Variants in PTPRD observed in about 807,000 individuals in gnomAD.
The protein encoded by PTPRD is protein tyrosine phosphatase receptor type D, also known as receptor-type tyrosine-protein phosphatase delta.
Under a neutral mutation model 214.5 loss-of-function variants are expected in PTPRD, and 34 were observed. The ratio of observed to expected loss-of-function variants is 0.16; its 90% CI spans 0.12 to 0.21. The LOEUF is 0.21. Ranked by LOEUF, PTPRD falls within the 10% of genes least tolerant of loss-of-function variation. PTPRD has a pLI of 1.00. For missense variants in PTPRD, 2,545 were observed against 2,398.7 expected, an observed-to-expected ratio of 1.06 and a Z score of -1.27; for synonymous variants, 1,128 against 845.7, an observed-to-expected ratio of 1.33 and a Z score of -5.79.
intron 14 of PTPRD, among the ~76,000 whole-genome samples, chr9:8,613,753 C>A (rs1356697586): frequency 6.6e-6 from 1 of 152,130 alleles, no homozygotes; most frequent in East Asian, 1.9e-4. Flanking sequence ...AATCCCTCTT[C>A]TACATGACAG....
intron 36 of PTPRD, among the ~76,000 whole-genome samples, chr9:8,401,901 CA>C (rs1411389395): frequency 6.6e-6 from 1 of 152,110 alleles, no homozygotes. Context: ...GAACACAAAA[CA>C]AGCACATTAA....
chr9:10,466,260 A>C (rs1211191805), intron 2 of PTPRD, among the ~76,000 whole-genome samples: 1 of 152,152 alleles, frequency 6.6e-6, no homozygotes, highest in Admixed American at 6.5e-5. Flanking sequence ...TAGCGAAATA[A>C]TGGAGTCAGT....
intron 2 of PTPRD, among the ~76,000 whole-genome samples, chr9:10,435,030 C>A (rs567004454): frequency 3.3e-4 from 50 of 151,772 alleles, no homozygotes; most frequent in Admixed American, 2.0e-3. Flanking sequence ...CACTAAACTG[C>A]GAATTTTTCA....
intron 12 of PTPRD, among the ~76,000 whole-genome samples, chr9:8,675,421 G>A (rs1409915439): frequency 1.4e-5 from 2 of 147,794 alleles, no homozygotes; most frequent in South Asian, 2.1e-4. Context: ...ATTGTCTCAC[G>A]CAAAAACCCC....
In PTPRD at chr9:10,309,958, A is replaced by G. The variant is rs189501668; in HGVS notation, c.-545+31005T>C. Among the ~76,000 whole-genome samples, 103 of 152,196 alleles carry G rather than the reference A, an allele frequency of 6.8e-4. 1 individual carries two copies. Among genetic ancestry groups the G allele is most frequent in the African/African-American group, 2.2e-3 (91 of 41,548 alleles). On this transcript the variant is annotated intron_variant, in intron 3 of 45. Coordinates refer to ENST00000381196, the MANE Select transcript of PTPRD (RefSeq NM_002839.4). ...TTTGTTCCAAAATGTGCAGCATGTCATAAAACTTTTAATGAAATAATATGT... is the reference window on the plus strand; with the variant it reads ...TTTGTTCCAAAATGTGCAGCATGTCGTAAAACTTTTAATGAAATAATATGT...
intron 4 of PTPRD, among the ~76,000 whole-genome samples, chr9:9,992,547 A>G (rs1409702311): frequency 6.6e-6 from 1 of 152,180 alleles, no homozygotes; most frequent in Non-Finnish European, 1.5e-5. Context: ...CTTGGAACCA[A>G]CCCAAATGTC....
At chr9:8,470,638 C>G (rs960465108) in intron 31 of PTPRD, among the ~76,000 whole-genome samples, 24 of 152,096 alleles carry the variant, frequency 1.6e-4, no homozygotes, top group African/African-American at 5.8e-4. Flanking sequence ...AACTGTTGCA[C>G]TAATGAAGGG....
At chr9:9,254,402 G>A (rs1235748828) in intron 9 of PTPRD, among the ~76,000 whole-genome samples, 1 of 151,980 alleles carries the variant, frequency 6.6e-6, no homozygotes, top group Non-Finnish European at 1.5e-5. Context: ...ATTTATTTCA[G>A]TGAGCAAATT....
At chr9:9,921,442 G>T (rs2153874130) in intron 5 of PTPRD, among the ~76,000 whole-genome samples, 1 of 151,820 alleles carries the variant, frequency 6.6e-6, no homozygotes, top group East Asian at 1.9e-4. Flanking sequence ...TGATTTAAGA[G>T]CTATGACACT....
At chr9:8,763,938 G>T (rs1046037928) in intron 11 of PTPRD, among the ~76,000 whole-genome samples, 5 of 152,062 alleles carry the variant, frequency 3.3e-5, no homozygotes, top group Non-Finnish European at 4.4e-5. Flanking sequence ...CTATTCTCTT[G>T]ATAATTTATT....
At chr9:9,797,740 G>GA (rs1555106194) in intron 5 of PTPRD, among the ~76,000 whole-genome samples, 2 of 151,938 alleles carry the variant, frequency 1.3e-5, no homozygotes, top group Non-Finnish European at 2.9e-5. Context: ...CAGCTACTCG[G>GA]GGGGGGCTGA....
At chr9:9,044,595 T>C (rs1225162936) in intron 10 of PTPRD, among the ~76,000 whole-genome samples, 1 of 152,174 alleles carries the variant, frequency 6.6e-6, no homozygotes, top group Non-Finnish European at 1.5e-5. Context: ...TAAATAACAA[T>C]GACACTGTTA....
intron 9 of PTPRD, among the ~76,000 whole-genome samples, chr9:9,212,827 A>C (rs2099949648): frequency 6.6e-6 from 1 of 152,058 alleles, no homozygotes; most frequent in Admixed American, 6.6e-5. Flanking sequence ...CTATTTTGCA[A>C]TGTGTGAGGT....
chr9:8,890,834 T>C (rs1389683718), intron 11 of PTPRD, among the ~76,000 whole-genome samples: 1 of 152,180 alleles, frequency 6.6e-6, no homozygotes, highest in Non-Finnish European at 1.5e-5. Context: ...CATTTGTTAC[T>C]TCATCATGAA....
At chr9:8,469,335 T>C (rs1030044400) in intron 31 of PTPRD, among the ~76,000 whole-genome samples, 1 of 152,082 alleles carries the variant, frequency 6.6e-6, no homozygotes, top group South Asian at 2.1e-4. Context: ...GAAAGCTTAT[T>C]AGTTAAAACT....
chr9:8,377,572 T>C (rs1239613673), intron 37 of PTPRD, among the ~76,000 whole-genome samples: 2 of 152,086 alleles, frequency 1.3e-5, no homozygotes, highest in South Asian at 2.1e-4. Context: ...AGTAAGGCCA[T>C]AGATCTGACT....
chr9:9,778,736 A>G (rs982031973), intron 5 of PTPRD, among the ~76,000 whole-genome samples: 1 of 152,046 alleles, frequency 6.6e-6, no homozygotes, highest in African/African-American at 2.4e-5. Flanking sequence ...CAGATCCCCA[A>G]ATACAGCTGG....
At chr9:10,343,931 C>T (rs962506013) in intron 2 of PTPRD, among the ~76,000 whole-genome samples, 1 of 136,706 alleles carries the variant, frequency 7.3e-6, no homozygotes, top group African/African-American at 2.7e-5. Context: ...GGGTGGATTG[C>T]AAAATTTTTC....
At chr9:8,892,816 C>T (rs2098553444) in intron 11 of PTPRD, among the ~76,000 whole-genome samples, 1 of 151,406 alleles carries the variant, frequency 6.6e-6, no homozygotes, top group African/African-American at 2.4e-5. Context: ...GAAGATTTTA[C>T]CAAGTAGTGG....
Sources: allele counts gnomAD v4.1 joint callset (sites outside exome capture counted in the v4.1 genomes callset), GRCh38; gene constraint gnomAD v4.1.1; transcripts MANE v1.5; gene names NCBI Gene and HGNC (gene_info 2026-07-23, HGNC 2026-07-21).